CHD5: variants seen among roughly 807,000 people sequenced by gnomAD.
CHD5 encodes the protein chromodomain helicase DNA binding protein 5.
In CHD5, 69 loss-of-function variants were observed where a neutral mutation model predicts 230.3. The observed-to-expected ratio is 0.30, with a 90% CI of 0.25 to 0.37. CHD5 has a LOEUF of 0.37. Among genes scored for constraint, CHD5 ranks in the 10% least tolerant of loss-of-function variants. The pLI is 1.00. For synonymous variants in CHD5, 1,064 were observed against 1,065.9 expected (o/e 1.00, Z 0.03); for missense variants, 1,827 against 2,622.8 (o/e 0.70, Z 6.63).
At chr1:6,144,292 C>G in intron 11 of CHD5, 137 bp from the exon 12 acceptor site, 1 of 1,223,272 alleles carries the variant, frequency 8.2e-7, no homozygotes, top group African/African-American at 1.5e-5. Flanking sequence ...GAGGAGGAGA[C>G]GAGGGCAGAA....
At chr1:6,163,940 G>A (rs1218987135) in intron 2 of CHD5, among the ~76,000 whole-genome samples, 1 of 152,206 alleles carries the variant, frequency 6.6e-6, no homozygotes, top group Non-Finnish European at 1.5e-5. Context: ...CTTAGTGGAT[G>A]TGGAGTCCCC....
chr1:6,111,729 G>A (rs561303147), intron 36 of CHD5, 46 bp downstream of exon 36: 8 of 1,503,110 alleles, frequency 5.3e-6, no homozygotes, highest in Admixed American at 3.3e-5. Flanking sequence ...CGAGGTCCAC[G>A]GAGGAACGGG....
chr1:6,121,422 G>A lies in CHD5; in HGVS notation c.4779+72C>T, dbSNP rs1373483589. The A allele has an allele frequency of 2.7e-6, 4 of 1,490,938 alleles. No individual in the cohort carries two copies. The highest frequency in any genetic ancestry group is 3.7e-6 in the Non-Finnish European group (4 of 1,081,918). The allele number at this position is 1,490,938 out of a possible 1,614,324, so 92.4% of individuals were successfully genotyped here. A position where few individuals can be genotyped will look rare whatever the true frequency, so the allele number is the denominator to read the frequency against. ...CCTGGGTTCCACCTCGCTGTACAGG[G>A]CCTGAGAAGGTCCCCAGACCCAACC... is the stretch of plus-strand genomic sequence containing the variant. On this transcript the variant is annotated intron_variant, in intron 32 of 41. Coordinates refer to ENST00000262450, the MANE Select transcript of CHD5 (RefSeq NM_015557.3). This position sits in a 1 kb window ranked among gnomAD's most constrained non-coding sequence, Gnocchi z 4.5.
intron 2 of CHD5, among the ~76,000 whole-genome samples, chr1:6,163,324 C>T (rs748696286): frequency 3.3e-4 from 50 of 152,214 alleles, no homozygotes; most frequent in African/African-American, 1.0e-3. Context: ...AAGGGTCTGA[C>T]GCCCAAGTCC....
chr1:6,179,798 G>GC (rs1667485621), intron 1 of CHD5, 147 bp downstream of exon 1: 1 of 204,006 alleles, frequency 4.9e-6, no homozygotes, highest in East Asian at 1.9e-4. Context: ...CGCCAGCAGG[G>GC]CGGGAGCGCA....
intron 2 of CHD5, among the ~76,000 whole-genome samples, chr1:6,160,415 GGCCCCAGCCAGAGAAGGAGA>G (rs1557559601): frequency 8.2e-6 from 1 of 121,394 alleles, no homozygotes; most frequent in East Asian, 2.4e-4. Context: ...GCCAGAGAAG[GGCCCCAGCCAGAGAAGGAGA>G]GCCCCAGCCA....
chr1:6,179,979 G>T lies in CHD5; in HGVS notation c.45C>A (p.Phe15Leu). ...VGTEEELPRL[F>L]AEEMENEDEM... ...CGTCCTCATTCTCCATCTCCTCGGC[G>T]AACAGCCGCGGCAGCTCCTCCTCGG... The change falls in exon 1 of 42, where the codon TTC (phenylalanine) becomes TTA (leucine). Residue 15 changes from phenylalanine (F) to leucine (L), a missense_variant. This residue lies in a region of CHD5 where 113 missense variants were observed against 91.9 expected (regional missense o/e 1.23). Coordinates refer to ENST00000262450, the MANE Select transcript of CHD5 (RefSeq NM_015557.3). The T allele has an allele frequency of 7.2e-7, 1 of 1,384,314 alleles. No individual in the cohort carries two copies. Among genetic ancestry groups the T allele is most frequent in the South Asian group, 1.3e-5 (1 of 74,920 alleles). The allele number at this position is 1,384,314 out of a possible 1,614,324, so 85.8% of individuals were successfully genotyped here. A position where few individuals can be genotyped will look rare whatever the true frequency, so the allele number is the denominator to read the frequency against.
intron 1 of CHD5, among the ~76,000 whole-genome samples, chr1:6,171,780 T>C (rs908678368): frequency 6.6e-6 from 1 of 152,210 alleles, no homozygotes; most frequent in African/African-American, 2.4e-5. Context: ...TAAGGTGGCA[T>C]CCTGCCCGTC....
At chr1:6,165,859 T>C (rs1161186607) in intron 2 of CHD5, among the ~76,000 whole-genome samples, 2 of 151,878 alleles carry the variant, frequency 1.3e-5, no homozygotes, top group African/African-American at 4.8e-5. Context: ...CTATCTCCAC[T>C]TCCCCATCAA....
intron 36 of CHD5, among the ~76,000 whole-genome samples, chr1:6,111,555 G>A (rs1007501990): frequency 1.3e-5 from 2 of 151,586 alleles, no homozygotes; most frequent in South Asian, 2.1e-4. Context: ...AAAAAAGAGA[G>A]AGCAATGTGG....
intron 5 of CHD5, among the ~76,000 whole-genome samples, chr1:6,153,246 A>G (rs1384614338): frequency 1.3e-5 from 2 of 152,252 alleles, no homozygotes; most frequent in Non-Finnish European, 2.9e-5. Context: ...CAATTTTCCA[A>G]GCTCTGAATA....
rs1166687025 is a variant in CHD5 at position 6,168,291 on chromosome 1, A to C, written c.80-14T>G. On this transcript the variant is annotated splice_polypyrimidine_tract_variant and intron_variant, in intron 1 of 41. Transcript: ENST00000262450. Reference sequence around the variant, plus strand: ...CATCTTCTTCTTCTGGAAAAATCAGAAGGTGGCAGCAGTTACTCCTGAGCT... The same window carrying C: ...CATCTTCTTCTTCTGGAAAAATCAGCAGGTGGCAGCAGTTACTCCTGAGCT... The C allele has an allele frequency of 6.3e-7, 1 of 1,585,996 alleles. No homozygotes were observed. Among genetic ancestry groups the C allele is most frequent in the Non-Finnish European group, 8.6e-7 (1 of 1,158,932 alleles).
At position 6,121,122 on chromosome 1, in the gene CHD5, G is replaced by A. The variant is rs201640978; in HGVS notation, c.4895C>T (p.Pro1632Leu). 2.7e-5 allele frequency: 43 copies of A among 1,606,162 alleles called. No individual in the cohort carries two copies. Among genetic ancestry groups the A allele is most frequent in the Admixed American group, 2.2e-4 (13 of 58,174 alleles). The change falls in exon 33 of 42, where the codon CCG (proline) becomes CTG (leucine). Residue 1632 changes from proline to leucine, a missense_variant. Coordinates refer to ENST00000262450, the MANE Select transcript of CHD5 (RefSeq NM_015557.3). The surrounding 1 kb of genome is among the most constrained non-coding windows in gnomAD (Gnocchi z 4.5). ...PEETEKAPPS[P>L]EQLPREEVLP... The stretch of plus-strand genomic sequence containing the variant: ...GCCCCAACCTCTCGGCAGCTGCTCC[G>A]GGGAGGGCGGGGCCTTCTCCGTCTC...
chr1:6,174,994 GATGGCAGATGGATGGCTGAATGGATAA>G (rs1667401296), intron 1 of CHD5, among the ~76,000 whole-genome samples: 2 of 148,212 alleles, frequency 1.3e-5, no homozygotes, highest in African/African-American at 5.2e-5. Flanking sequence ...TGGATGGATG[GATGGCAGATGGATGGCTGAATGGATAA>G]TGGATGGATG....
At position 6,146,325 on chromosome 1, in the gene CHD5, G is replaced by A. The variant is rs771837128; in HGVS notation, c.1689C>T (p.Gly563=). The A allele has an allele frequency of 6.2e-7, 1 of 1,614,156 alleles. No individual in the cohort carries two copies. The highest frequency in any genetic ancestry group is 1.1e-5 in the South Asian group (1 of 91,086). Residue 563 remains glycine (G), a synonymous_variant, in exon 11 of 42, where the codon GGC becomes GGT. Transcript: ENST00000262450. This position sits in a 1 kb window ranked among gnomAD's most constrained non-coding sequence, Gnocchi z 5.1. Reference sequence around the variant, plus strand: ...CCTTGTTCTTCCTCTTCTCGCTCTTGCCGTCTTCATCCCCAGAGCCGTAGT... The same window carrying A: ...CCTTGTTCTTCCTCTTCTCGCTCTTACCGTCTTCATCCCCAGAGCCGTAGT... ...PFDYGSGDED[G]KSEKRKNKDP...
At position 6,134,079 on chromosome 1, in the gene CHD5, C is replaced by G; in HGVS notation, c.3144+49G>C. On this transcript the variant is annotated intron_variant, in intron 20 of 41. Transcript: ENST00000262450. The surrounding 1 kb of genome is among the most constrained non-coding windows in gnomAD (Gnocchi z 6.3). ...CGCCCCCAAGCATCAGGGCAGGATG[C>G]TCTCTGTGGGGTGTGGAGCCGGGGC... 1 of 1,572,472 alleles carries G rather than the reference C, an allele frequency of 6.4e-7. No homozygotes were observed. Among genetic ancestry groups the G allele is most frequent in the African/African-American group, 1.3e-5 (1 of 74,326 alleles).
chr1:6,167,767 C>T lies in CHD5; in HGVS notation c.207+383G>A, dbSNP rs1212983624. 6.6e-6 allele frequency among the ~76,000 whole-genome samples: 1 copy of T among 152,116 alleles called. No homozygotes were observed. The highest frequency in any genetic ancestry group is 1.5e-5 in the Non-Finnish European group (1 of 68,020). On this transcript the variant is annotated intron_variant, in intron 2 of 41. Coordinates refer to ENST00000262450, the MANE Select transcript of CHD5 (RefSeq NM_015557.3). The surrounding 1 kb of genome is among the most constrained non-coding windows in gnomAD (Gnocchi z 4.5). ...GTGACTGTCCCTAAATGGGGCCTTGCTTCTCTTCTCCAACTCACTTCATCA... is the reference window on the plus strand; with the variant it reads ...GTGACTGTCCCTAAATGGGGCCTTGTTTCTCTTCTCCAACTCACTTCATCA...
intron 29 of CHD5, 82 bp from the exon 30 acceptor site, chr1:6,124,743 G>A: frequency 1.1e-6 from 1 of 888,448 alleles, no homozygotes; most frequent in Non-Finnish European, 1.7e-6. Flanking sequence ...GACCCCAGGG[G>A]AACTCCTGGC....
chr1:6,111,910 G>A (rs370902505), intron 35 of CHD5, 27 bp from the exon 36 acceptor site: 54 of 1,598,420 alleles, frequency 3.4e-5, no homozygotes, highest in Non-Finnish European at 4.1e-5. Context: ...GGTGAGCAGG[G>A]TGAGAAGTGC....
Sources: allele counts gnomAD v4.1 joint callset (sites outside exome capture counted in the v4.1 genomes callset), GRCh38; gene constraint gnomAD v4.1.1; regional missense constraint gnomAD v4.1.1; non-coding constraint Gnocchi (gnomAD v3.1); transcripts MANE v1.5; gene names NCBI Gene and HGNC (gene_info 2026-07-23, HGNC 2026-07-21).